Variants in ZYG11A observed in about 807,000 individuals in gnomAD.
The protein encoded by ZYG11A is zyg-11 family member A, cell cycle regulator.
Under a neutral mutation model 77.2 loss-of-function variants are expected in ZYG11A, and 62 were observed. The ratio of observed to expected loss-of-function variants is 0.80; its 90% CI spans 0.65 to 0.99. The LOEUF is 0.99. ZYG11A is among the 50% of genes least tolerant of loss of function. ZYG11A has a pLI of 0.00. For synonymous variants in ZYG11A, 315 were observed against 324.6 expected, an observed-to-expected ratio of 0.97 and a Z score of 0.32; for missense variants, 828 against 896.8, an observed-to-expected ratio of 0.92 and a Z score of 0.98.
At chr1:52,861,088 T>A (rs1645918616) in intron 4 of ZYG11A, among the ~76,000 whole-genome samples, 1 of 152,142 alleles carries the variant, frequency 6.6e-6, no homozygotes, top group Admixed American at 6.6e-5. Context: ...CAGTTAAAAT[T>A]TGGTCTAAGT....
rs138582100 is a variant in ZYG11A, at chr1:52,886,138, T to C, written c.2006+244T>C. 2.7e-3 allele frequency among the ~76,000 whole-genome samples: 417 copies of C among 152,176 alleles called. 3 individuals are homozygous for C. Among genetic ancestry groups the C allele is most frequent in the African/African-American group, 9.7e-3 (401 of 41,510 alleles). ...TAGTGGAGACGGGGTTTCACCATGT[T>C]AGCCAGGATGGTCTCGATCTCCTGA... On this transcript the variant is annotated intron_variant, in intron 12 of 13. Transcript: ENST00000371528.
Position 52,865,656 on chromosome 1 carries a change from C to T in ZYG11A, c.1327-847C>T, listed in dbSNP as rs141585829. 1.1e-4 allele frequency among the ~76,000 whole-genome samples: 17 copies of T among 152,214 alleles called. No homozygotes were observed. In the East Asian group the frequency reaches 2.7e-3, roughly 24 times the overall value. On this transcript the variant is annotated intron_variant, in intron 5 of 13. Transcript: ENST00000371528. ...CACAGAGATGAAGTACTGATATCTGCAGTGTAGATGAAACTCAAAAATGTT... is the reference window on the plus strand; with the variant it reads ...CACAGAGATGAAGTACTGATATCTGTAGTGTAGATGAAACTCAAAAATGTT...
intron 11 of ZYG11A, among the ~76,000 whole-genome samples, chr1:52,885,622 G>A (rs191819821): frequency 3.3e-5 from 5 of 152,098 alleles, no homozygotes; most frequent in African/African-American, 1.2e-4. Flanking sequence ...AGGTAAATTC[G>A]TGCTCAGTCC....
chr1:52,847,212 G>A (rs566641508), intron 1 of ZYG11A, among the ~76,000 whole-genome samples: 1 of 152,194 alleles, frequency 6.6e-6, no homozygotes, highest in African/African-American at 2.4e-5. Flanking sequence ...GATTATAGGT[G>A]TGCACCACCA....
At chr1:52,865,565 C>T (rs1646009393) in intron 5 of ZYG11A, among the ~76,000 whole-genome samples, 1 of 151,938 alleles carries the variant, frequency 6.6e-6, no homozygotes, top group Non-Finnish European at 1.5e-5. Flanking sequence ...TGAAACATCC[C>T]AAATGTCCAA....
At position 52,859,445 on chromosome 1, in the gene ZYG11A, C is replaced by T. The variant is rs185029782; in HGVS notation, c.1009-1286C>T. ...CCGCCTCCCGGGTTCACGCCATTCT[C>T]CTGCCTCAGGCTCCAGAGTAGCTGG... On this transcript the variant is annotated intron_variant, in intron 3 of 13. Transcript: ENST00000371528. Among the ~76,000 whole-genome samples the T allele has an allele frequency of 2.9e-3, 441 of 152,076 alleles. 1 individual carries two copies. The highest frequency in any genetic ancestry group is 4.8e-3 in the Non-Finnish European group (327 of 67,998).
chr1:52,880,259 G>A (rs984453012), intron 10 of ZYG11A, among the ~76,000 whole-genome samples: 1 of 151,902 alleles, frequency 6.6e-6, no homozygotes, highest in Non-Finnish European at 1.5e-5. Context: ...GCGTGGGGGG[G>A]ACATCTCAAT....
At chr1:52,877,654 ACTCC>A in intron 8 of ZYG11A, 24 bp from the exon 9 acceptor site, 1 of 1,532,932 alleles carries the variant, frequency 6.5e-7, no homozygotes. Context: ...AGAGCATCTA[ACTCC>A]CTCCCTGTCT....
chr1:52,858,134 C>T (rs912514459), intron 3 of ZYG11A, among the ~76,000 whole-genome samples: 14 of 150,440 alleles, frequency 9.3e-5, no homozygotes, highest in Admixed American at 2.0e-4. Flanking sequence ...TGGTGGCTCA[C>T]ACCTGTAATC....
intron 3 of ZYG11A, among the ~76,000 whole-genome samples, chr1:52,859,455 G>T (rs1158954461): frequency 1.4e-5 from 2 of 147,886 alleles, no homozygotes; most frequent in African/African-American, 2.5e-5. Context: ...CCTGCCTCAG[G>T]CTCCAGAGTA....
intron 13 of ZYG11A, among the ~76,000 whole-genome samples, chr1:52,890,249 GTT>G (rs908467307): frequency 4.2e-5 from 3 of 71,668 alleles, no homozygotes; most frequent in South Asian, 5.9e-4. Flanking sequence ...TTTTCTTTTA[GTT>G]TTTTTTTTTT....
chr1:52,853,094 T>C (rs1450961989), intron 1 of ZYG11A, among the ~76,000 whole-genome samples: 2 of 152,204 alleles, frequency 1.3e-5, no homozygotes, highest in African/African-American at 4.8e-5. Context: ...TTGTTGATGG[T>C]TTAGCAGGCA....
chr1:52,874,367 C>T (rs1459977842), intron 8 of ZYG11A, among the ~76,000 whole-genome samples: 1 of 152,090 alleles, frequency 6.6e-6, no homozygotes, highest in Non-Finnish European at 1.5e-5. Flanking sequence ...GCCTCAGCCT[C>T]CTGAGTGGCT....
chr1:52,889,618 A>G (rs954842631), intron 13 of ZYG11A, among the ~76,000 whole-genome samples: 1 of 151,874 alleles, frequency 6.6e-6, no homozygotes, highest in Non-Finnish European at 1.5e-5. Flanking sequence ...CATGACTAAT[A>G]AATATATTTT....
rs193218801 is a variant in ZYG11A at position 52,870,522 on chromosome 1, G to A, written c.1542+2745G>A. ...GGCCAAGGCACGCGGCTGGGAGGTGGAGGTTGTAGTGAGCCGAGATCACGC... is the reference window on the plus strand; with the variant it reads ...GGCCAAGGCACGCGGCTGGGAGGTGAAGGTTGTAGTGAGCCGAGATCACGC... On this transcript the variant is annotated intron_variant, in intron 8 of 13. Coordinates refer to ENST00000371528, the MANE Select transcript of ZYG11A (RefSeq NM_001004339.3). Among the ~76,000 whole-genome samples the A allele has an allele frequency of 2.0e-5, 3 of 152,224 alleles. No homozygotes were observed. The East Asian group carries it at 5.8e-4, about 29-fold the overall frequency.
At chr1:52,882,702 GCTTCATTGTCTTTTA>G in intron 11 of ZYG11A, among the ~76,000 whole-genome samples, 1 of 152,232 alleles carries the variant, frequency 6.6e-6, no homozygotes, top group African/African-American at 2.4e-5. Context: ...AAAAATGTTT[GCTTCATTGTCTTTTA>G]CTTGTCAGGA....
intron 3 of ZYG11A, among the ~76,000 whole-genome samples, chr1:52,858,607 A>G (rs895589149): frequency 1.8e-4 from 26 of 145,750 alleles, no homozygotes; most frequent in African/African-American, 6.0e-4. Flanking sequence ...GCCCGGCCCG[A>G]TTATTATTAT....
At chr1:52,877,647 G>A (rs778953779) in intron 8 of ZYG11A, 35 bp from the exon 9 acceptor site, 4 of 1,515,474 alleles carry the variant, frequency 2.6e-6, no homozygotes, top group Non-Finnish European at 2.7e-6. Flanking sequence ...ATTCATTAGA[G>A]CATCTAACTC....
At chr1:52,867,883 A>C (rs1484184303) in intron 8 of ZYG11A, 106 bp downstream of exon 8, 1 of 899,908 alleles carries the variant, frequency 1.1e-6, no homozygotes, top group Non-Finnish European at 1.7e-6. Flanking sequence ...TAAGGTGAGA[A>C]ATCTGTAAGA....
Sources: allele counts gnomAD v4.1 joint callset (sites outside exome capture counted in the v4.1 genomes callset), GRCh38; gene constraint gnomAD v4.1.1; transcripts MANE v1.5; gene names NCBI Gene and HGNC (gene_info 2026-07-23, HGNC 2026-07-21).